Variants in DOK6 observed in about 807,000 individuals in gnomAD.
DOK6 encodes downstream of tyrosine kinase 6.
In DOK6, 22 loss-of-function variants were observed where a neutral mutation model predicts 44.0. That is an observed-to-expected ratio of 0.50 (90% CI 0.36 to 0.71). The LOEUF (loss-of-function observed/expected upper bound fraction) is 0.71, where lower values mean the gene tolerates loss of function less well. DOK6 is among the 30% of genes least tolerant of loss of function. DOK6 has a pLI of 0.00. For missense variants in DOK6, 340 were observed against 416.4 expected (o/e 0.82, Z 1.60); for synonymous variants, 166 against 145.5 (o/e 1.14, Z -1.01).
At chr18:69,537,049 C>G (rs183870766) in intron 1 of DOK6, among the ~76,000 whole-genome samples, 1 of 150,944 alleles carries the variant, frequency 6.6e-6, no homozygotes, top group African/African-American at 2.4e-5. Flanking sequence ...TTGACCGGGT[C>G]GGTCTGAAAC....
chr18:69,721,455 A>G (rs1473069351), intron 5 of DOK6: 8 of 152,258 alleles, frequency 5.3e-5, no homozygotes, highest in Non-Finnish European at 7.3e-5. Context: ...CCATAAAAAT[A>G]TGCTTATGAC....
intron 3 of DOK6, among the ~76,000 whole-genome samples, chr18:69,599,944 T>A (rs1031574808): frequency 2.0e-5 from 3 of 152,230 alleles, no homozygotes; most frequent in African/African-American, 7.2e-5. Context: ...TTCTCAGTAC[T>A]ACAAGTAAAT....
At chr18:69,697,863 C>T (rs1011366289) in intron 4 of DOK6, among the ~76,000 whole-genome samples, 94 of 152,318 alleles carry the variant, frequency 6.2e-4, no homozygotes, top group African/African-American at 2.1e-3. Context: ...TTATCATATG[C>T]TAAATTTGAC....
chr18:69,675,488 T>A (rs1158026602), intron 3 of DOK6, among the ~76,000 whole-genome samples: 1 of 152,218 alleles, frequency 6.6e-6, no homozygotes, highest in Non-Finnish European at 1.5e-5. Flanking sequence ...CGTGTGACTT[T>A]ACATTATTTT....
chr18:69,694,280 T>A (rs1290332054), intron 4 of DOK6, among the ~76,000 whole-genome samples: 1 of 151,582 alleles, frequency 6.6e-6, no homozygotes, highest in East Asian at 1.9e-4. Context: ...CTGTCTAGAC[T>A]CTCGTAGTTG....
At position 69,848,677 on chromosome 18, in the gene DOK6, C is replaced by T. The variant is rs929850236; in HGVS notation, c.*7294C>T. The T allele has an allele frequency of 6.6e-6, 1 of 152,122 alleles. No homozygotes were observed. The highest frequency in any genetic ancestry group is 1.5e-5 in the Non-Finnish European group (1 of 68,018). 9.4% of individuals were successfully genotyped at this position (152,122 alleles called of 1,614,324 possible). On this transcript the variant is annotated 3_prime_UTR_variant, in exon 8 of 8. Transcript: ENST00000382713. ...TTGAAAAATTACCTTCTTCTGAAGT[C>T]GTAGTTTTTAATCTTAACCATCAAT... is the stretch of plus-strand genomic sequence containing the variant.
At chr18:69,840,005 G>T (rs1361938728) in intron 7 of DOK6, among the ~76,000 whole-genome samples, 5 of 152,162 alleles carry the variant, frequency 3.3e-5, no homozygotes, top group Admixed American at 3.3e-4. Context: ...TGGTTAAGTG[G>T]TTCCGTTCTA....
chr18:69,603,393 G>A (rs1229179843), intron 3 of DOK6, among the ~76,000 whole-genome samples: 4 of 152,130 alleles, frequency 2.6e-5, no homozygotes, highest in African/African-American at 9.7e-5. Flanking sequence ...CCAGTCTATA[G>A]ATCATGTAAA....
chr18:69,509,437 A>T, intron 1 of DOK6, among the ~76,000 whole-genome samples: 1 of 152,042 alleles, frequency 6.6e-6, no homozygotes, highest in Non-Finnish European at 1.5e-5. Context: ...GGAGATCGAG[A>T]CCATCCTGGC....
At chr18:69,556,427 C>T (rs149539617) in intron 1 of DOK6, among the ~76,000 whole-genome samples, 2,133 of 152,228 alleles carry the variant, frequency 0.014, 18 homozygotes, top group Middle Eastern at 0.024. Flanking sequence ...ACCCAATGTT[C>T]CCTTCTCCAT....
intron 3 of DOK6, among the ~76,000 whole-genome samples, chr18:69,627,512 C>T (rs879597116): frequency 6.6e-6 from 1 of 152,016 alleles, no homozygotes; most frequent in South Asian, 2.1e-4. Context: ...GCAATGGAGC[C>T]ATCTCGGCTC....
At chr18:69,478,106 T>A (rs1980317944) in intron 1 of DOK6, among the ~76,000 whole-genome samples, 1 of 152,250 alleles carries the variant, frequency 6.6e-6, no homozygotes, top group African/African-American at 2.4e-5. Context: ...AACTAATCTG[T>A]ACTTCACAAA....
chr18:69,617,489 G>GAAGA (rs1205384095), intron 3 of DOK6, among the ~76,000 whole-genome samples: 2 of 129,912 alleles, frequency 1.5e-5, no homozygotes, highest in African/African-American at 2.9e-5. Context: ...TAGGAGAAAA[G>GAAGA]AAGAAAGAAA....
At chr18:69,802,306 G>A (rs1980926488) in intron 7 of DOK6, among the ~76,000 whole-genome samples, 1 of 152,124 alleles carries the variant, frequency 6.6e-6, no homozygotes, top group African/African-American at 2.4e-5. Flanking sequence ...ATGATGGCAA[G>A]AAAGCCACAT....
intron 5 of DOK6, among the ~76,000 whole-genome samples, chr18:69,719,866 C>G (rs1046249298): frequency 6.6e-6 from 1 of 152,088 alleles, no homozygotes; most frequent in Non-Finnish European, 1.5e-5. Flanking sequence ...AGTCCCAGGC[C>G]CCATGTGGTT....
rs1220358869 is a variant in DOK6 at position 69,846,030 on chromosome 18, A to G, written c.*4647A>G. ...TCTCATGTGTGCATTCTCTATTAAC[A>G]TATTTGGAAGATTGCCCACATTTTC... is the stretch of plus-strand genomic sequence containing the variant. On this transcript the variant is annotated 3_prime_UTR_variant, in exon 8 of 8. Transcript: ENST00000382713. The G allele has an allele frequency of 6.6e-6, 1 of 152,194 alleles. No homozygotes were observed. The highest frequency in any genetic ancestry group is 1.5e-5 in the Non-Finnish European group (1 of 68,038). The allele number at this position is 152,194 out of a possible 1,614,324, so 9.4% of individuals were successfully genotyped here.
chr18:69,658,357 A>G (rs1985423250), intron 3 of DOK6, among the ~76,000 whole-genome samples: 1 of 152,140 alleles, frequency 6.6e-6, no homozygotes, highest in Admixed American at 6.5e-5. Context: ...CAAAATTGTG[A>G]AATAGTGTCT....
In DOK6 at chr18:69,848,019, T is replaced by TCACACACACACA. The variant is rs59389862; in HGVS notation, c.*6669_*6680dup. On this transcript the variant is annotated 3_prime_UTR_variant, in exon 8 of 8. Transcript: ENST00000382713. ...CCTCCACCCCAACCTTAGTGCATGC[T>TCACACACACACA]CACACACACACACACACACACACAC... 1.4e-5 allele frequency: 2 copies of TCACACACACACA among 143,620 alleles called. No individual in the cohort carries two copies. The highest frequency in any genetic ancestry group is 5.2e-5 in the African/African-American group (2 of 38,178). 8.9% of individuals were successfully genotyped at this position (143,620 alleles called of 1,614,324 possible).
intron 1 of DOK6, among the ~76,000 whole-genome samples, chr18:69,406,908 T>G (rs1380303854): frequency 6.6e-6 from 1 of 152,066 alleles, no homozygotes; most frequent in African/African-American, 2.4e-5. Flanking sequence ...TTGTGAAACC[T>G]CGTCTCTACT....
Sources: allele counts gnomAD v4.1 joint callset (sites outside exome capture counted in the v4.1 genomes callset), GRCh38; gene constraint gnomAD v4.1.1; transcripts MANE v1.5; gene names NCBI Gene and HGNC (gene_info 2026-07-23, HGNC 2026-07-21).